EVI5: variants seen among roughly 807,000 people sequenced by gnomAD.
EVI5 encodes ecotropic viral integration site 5.
EVI5 carries 73 observed loss-of-function variants against 112.0 expected under a neutral mutation model. That is an observed-to-expected ratio of 0.65 (90% CI 0.54 to 0.79). EVI5 has a LOEUF of 0.79. EVI5 is among the 30% of genes least tolerant of loss of function. The pLI, the probability that EVI5 is intolerant of heterozygous loss-of-function variation, is 0.00. For synonymous variants in EVI5, 305 were observed against 319.9 expected (o/e 0.95, Z 0.50); for missense variants, 900 against 968.8 (o/e 0.93, Z 0.94).
intron 1 of EVI5, among the ~76,000 whole-genome samples, chr1:92,742,219 C>T (rs967293671): frequency 2.6e-5 from 4 of 151,840 alleles, no homozygotes; most frequent in East Asian, 2.0e-4. Context: ...TTTGAAAATA[C>T]GTTCAACATT....
chr1:92,524,632 T>A (rs1278826322), intron 19 of EVI5, among the ~76,000 whole-genome samples: 1 of 152,212 alleles, frequency 6.6e-6, no homozygotes, highest in African/African-American at 2.4e-5. Flanking sequence ...AATCACAGTC[T>A]ACACTTGAGA....
intron 1 of EVI5, among the ~76,000 whole-genome samples, chr1:92,780,177 C>T (rs1170402632): frequency 1.3e-5 from 2 of 152,240 alleles, no homozygotes; most frequent in Admixed American, 1.3e-4. Flanking sequence ...GCTGGGCATT[C>T]ATTCGCTCTC....
At chr1:92,699,433 T>C (rs1302525284) in intron 5 of EVI5, among the ~76,000 whole-genome samples, 2 of 152,204 alleles carry the variant, frequency 1.3e-5, no homozygotes, top group East Asian at 3.8e-4. Context: ...GTTCCTCTCT[T>C]TCTTTAGCTG....
At chr1:92,684,689 A>C (rs1170772613) in intron 9 of EVI5, among the ~76,000 whole-genome samples, 1 of 152,150 alleles carries the variant, frequency 6.6e-6, no homozygotes, top group African/African-American at 2.4e-5. Flanking sequence ...ATAGGCTCAA[A>C]GTAAAGGGAT....
intron 2 of EVI5, among the ~76,000 whole-genome samples, chr1:92,715,771 T>C (rs1673547713): frequency 2.0e-5 from 3 of 152,114 alleles, no homozygotes; most frequent in African/African-American, 4.8e-5. Flanking sequence ...ATTGTGCTTT[T>C]CCAACAGTCT....
At chr1:92,671,741 A>G (rs935004498) in intron 10 of EVI5, among the ~76,000 whole-genome samples, 3 of 151,022 alleles carry the variant, frequency 2.0e-5, no homozygotes, top group Non-Finnish European at 4.4e-5. Flanking sequence ...CTAGCTGTCC[A>G]CTTTATATTT....
chr1:92,547,346 G>A (rs1165766513), intron 19 of EVI5, among the ~76,000 whole-genome samples: 1 of 152,214 alleles, frequency 6.6e-6, no homozygotes, highest in African/African-American at 2.4e-5. Flanking sequence ...CACATTTAAA[G>A]CAGTGTGTAG....
intron 2 of EVI5, among the ~76,000 whole-genome samples, chr1:92,710,488 T>C (rs1014737546): frequency 6.6e-6 from 1 of 152,202 alleles, no homozygotes; most frequent in Non-Finnish European, 1.5e-5. Flanking sequence ...ATATTGTACA[T>C]TGTAATCTAA....
chr1:92,773,150 G>A (rs1342162193), intron 1 of EVI5, among the ~76,000 whole-genome samples: 5 of 146,320 alleles, frequency 3.4e-5, no homozygotes, highest in Admixed American at 1.4e-4. Context: ...AGGTTGCAGT[G>A]AGCCGAGATC....
intron 2 of EVI5, among the ~76,000 whole-genome samples, chr1:92,708,684 T>C (rs1188802753): frequency 6.6e-6 from 1 of 152,028 alleles, no homozygotes; most frequent in Non-Finnish European, 1.5e-5. Flanking sequence ...GAAACATTAT[T>C]CATGATATCA....
intron 19 of EVI5, among the ~76,000 whole-genome samples, chr1:92,558,253 CT>C (rs1667986026): frequency 2.0e-5 from 3 of 152,120 alleles, no homozygotes; most frequent in Admixed American, 2.0e-4. Context: ...CCTGGACACC[CT>C]TCTCTTTATA....
At chr1:92,666,071 G>C in intron 10 of EVI5, 79 bp from the exon 11 acceptor site, 1 of 848,314 alleles carries the variant, frequency 1.2e-6, no homozygotes. Flanking sequence ...TCCTGAAAAT[G>C]TATCACCTTT....
intron 18 of EVI5, among the ~76,000 whole-genome samples, chr1:92,583,867 G>A (rs190911065): frequency 3.0e-4 from 46 of 151,830 alleles, no homozygotes; most frequent in Admixed American, 1.2e-3. Flanking sequence ...TTTACTCCTG[G>A]CTATTAACAT....
chr1:92,577,700 A>T (rs1382478996), intron 18 of EVI5, among the ~76,000 whole-genome samples: 1 of 152,234 alleles, frequency 6.6e-6, no homozygotes, highest in Non-Finnish European at 1.5e-5. Context: ...GAAACCTCTA[A>T]CAAAGGGAGG....
chr1:92,646,755 A>G (rs74850519), intron 13 of EVI5, among the ~76,000 whole-genome samples: 1,786 of 152,344 alleles, frequency 0.012, 43 homozygotes, highest in African/African-American at 0.04. Context: ...CACCAACAGC[A>G]AAGTGCATAG....
chr1:92,629,212 C>G (rs1294049198), intron 14 of EVI5, among the ~76,000 whole-genome samples: 1 of 152,074 alleles, frequency 6.6e-6, no homozygotes, highest in Non-Finnish European at 1.5e-5. Flanking sequence ...ATACATTATC[C>G]AGAAATATAA....
chr1:92,670,546 T>C (rs1665698428), intron 10 of EVI5, among the ~76,000 whole-genome samples: 1 of 152,202 alleles, frequency 6.6e-6, no homozygotes, highest in Non-Finnish European at 1.5e-5. Context: ...CTGGATCAAC[T>C]ATCTGACAAT....
At chr1:92,729,745 TA>T (rs1205084120) in intron 2 of EVI5, among the ~76,000 whole-genome samples, 3 of 152,236 alleles carry the variant, frequency 2.0e-5, no homozygotes, top group Non-Finnish European at 4.4e-5. Context: ...TTATTTGTAT[TA>T]TTTTTATTGT....
chr1:92,690,973 T>C (rs1233039584), intron 9 of EVI5, among the ~76,000 whole-genome samples: 1 of 152,178 alleles, frequency 6.6e-6, no homozygotes, highest in African/African-American at 2.4e-5. Context: ...ACACAAGAGA[T>C]ACAGAAGTTA....
Sources: allele counts gnomAD v4.1 joint callset (sites outside exome capture counted in the v4.1 genomes callset), GRCh38; gene constraint gnomAD v4.1.1; transcripts MANE v1.5; gene names NCBI Gene and HGNC (gene_info 2026-07-23, HGNC 2026-07-21).